Variants in UBR1 observed in about 807,000 individuals in gnomAD.
UBR1 encodes the protein E3 ubiquitin-protein ligase UBR1.
In UBR1, 102 loss-of-function variants were observed where a neutral mutation model predicts 242.1. That is an observed-to-expected ratio of 0.42 (90% CI 0.36 to 0.50). The LOEUF (loss-of-function observed/expected upper bound fraction) is 0.50. UBR1 is among the 20% of genes least tolerant of loss of function. The pLI, the probability that UBR1 is intolerant of heterozygous loss-of-function variation, is 0.01. For missense variants in UBR1, 1,772 were observed against 2,101.8 expected, an observed-to-expected ratio of 0.84 and a Z score of 3.07; for synonymous variants, 675 against 684.8, an observed-to-expected ratio of 0.99 and a Z score of 0.22.
intron 34 of UBR1, 29 bp downstream of exon 34, chr15:42,990,001 A>C: frequency 6.6e-7 from 1 of 1,519,212 alleles, no homozygotes; most frequent in Non-Finnish European, 9.1e-7. Flanking sequence ...AATCATTTAC[A>C]AAGTTCTCTT....
intron 42 of UBR1, 128 bp downstream of exon 42, chr15:42,963,807 A>T: frequency 1.4e-6 from 1 of 703,906 alleles, no homozygotes; most frequent in Non-Finnish European, 2.5e-6. Flanking sequence ...TGTGTAACTT[A>T]GGAATCTCCT....
chr15:43,053,086 C>T (rs1158426888), intron 12 of UBR1, among the ~76,000 whole-genome samples: 1 of 152,172 alleles, frequency 6.6e-6, no homozygotes, highest in Admixed American at 6.5e-5. Flanking sequence ...GAGTGAATTA[C>T]ACAGTACCTG....
In UBR1 at chr15:43,032,928, C is replaced by T. The variant is rs1463431812; in HGVS notation, c.2191-297G>A. 7.2e-5 allele frequency among the ~76,000 whole-genome samples: 11 copies of T among 152,162 alleles called. No individual in the cohort carries two copies. In the East Asian group the frequency reaches 2.1e-3, roughly 29 times the overall value. ...TCAACTCTTCTTCTATTATTTGCTG[C>T]CTTCTTACCTGCGTTAGTGAGAAAG... On this transcript the variant is annotated intron_variant, in intron 19 of 46. Coordinates refer to ENST00000290650, the MANE Select transcript of UBR1 (RefSeq NM_174916.3).
rs2033365675 is a variant in UBR1 at position 43,038,347 on chromosome 15, G to A, written c.1850-115C>T. ...GATTTGGCTGGGCGCGGTGGCTCAT[G>A]CCTGTAATCTCAGCACTTTGGGAGG... On this transcript the variant is annotated intron_variant, in intron 15 of 46. Coordinates refer to ENST00000290650, the MANE Select transcript of UBR1 (RefSeq NM_174916.3). 7 of 977,834 alleles carry A rather than the reference G, an allele frequency of 7.2e-6. No individual in the cohort carries two copies. The South Asian group carries it at 7.9e-5, about 11-fold the overall frequency. The allele number at this position is 977,834 out of a possible 1,614,324, so 60.6% of individuals were successfully genotyped here.
At chr15:43,058,503 T>G (rs527915486) in intron 9 of UBR1, 74 bp from the exon 10 acceptor site, 7 of 945,448 alleles carry the variant, frequency 7.4e-6, no homozygotes, top group South Asian at 7.1e-5. Flanking sequence ...TTCTGGCTAT[T>G]AGAGTGGCAG....
Position 42,945,040 on chromosome 15 carries a change from C to T in UBR1, c.*289G>A. ...CTACAACTGTTTGACGTGACTTCAT[C>T]TACCAAGTGGATGAAATAAAATGAA... On this transcript the variant is annotated 3_prime_UTR_variant, in exon 47 of 47. Coordinates refer to ENST00000290650, the MANE Select transcript of UBR1 (RefSeq NM_174916.3). 1 of 402,576 alleles carries T rather than the reference C, an allele frequency of 2.5e-6. No individual in the cohort carries two copies. The highest frequency in any genetic ancestry group is 4.7e-6 in the Non-Finnish European group (1 of 213,664). 24.9% of individuals were successfully genotyped at this position (402,576 alleles called of 1,614,324 possible). A position where few individuals can be genotyped will look rare whatever the true frequency, so the allele number is the denominator to read the frequency against.
At chr15:42,964,732 AT>A (rs1344671425) in intron 41 of UBR1, among the ~76,000 whole-genome samples, 1 of 152,064 alleles carries the variant, frequency 6.6e-6, no homozygotes, top group African/African-American at 2.4e-5. Flanking sequence ...TCTCTTTGCA[AT>A]TCTGTGACTA....
At chr15:43,101,943 G>A (rs577237573) in intron 1 of UBR1, among the ~76,000 whole-genome samples, 2 of 141,730 alleles carry the variant, frequency 1.4e-5, no homozygotes, top group Non-Finnish European at 3.0e-5. Flanking sequence ...CTCCAGCCTT[G>A]GCGACAGAGA....
chr15:42,979,978 T>G (rs577517269), intron 37 of UBR1, among the ~76,000 whole-genome samples: 7 of 152,230 alleles, frequency 4.6e-5, no homozygotes, highest in Non-Finnish European at 1.0e-4. Context: ...TAACTAGCTA[T>G]GTGACTTCAA....
chr15:42,986,107 T>C (rs1224703995), intron 35 of UBR1, among the ~76,000 whole-genome samples: 1 of 152,090 alleles, frequency 6.6e-6, no homozygotes, highest in African/African-American at 2.4e-5. Context: ...TTTTCACTGA[T>C]CCTTAGCAGC....
In UBR1 at chr15:42,984,915, G is replaced by A. The variant is rs866017422; in HGVS notation, c.4025C>T (p.Pro1342Leu). The change falls in exon 36 of 47, where the codon CCT becomes CTT. Residue 1342 changes from proline (P) to leucine (L), a missense_variant. This residue lies in a region of UBR1 where 965 missense variants were observed against 1,079.7 expected (regional missense o/e 0.89). Transcript: ENST00000290650. ...CCTATTTTGAAGTGCTCCAAACAGA[G>A]GTTTTCCTTCATCTCCCAATAGATT... ...IENLLGDEGKPLFGALQNRQH... is the reference protein window; with the variant it reads ...IENLLGDEGKLLFGALQNRQH... 1.2e-6 allele frequency: 2 copies of A among 1,610,988 alleles called. No homozygotes were observed. Among genetic ancestry groups the A allele is most frequent in the East Asian group, 2.2e-5 (1 of 44,768 alleles).
chr15:42,951,321 CA>C (rs1344953259), intron 45 of UBR1, among the ~76,000 whole-genome samples: 6 of 152,140 alleles, frequency 3.9e-5, no homozygotes, highest in Non-Finnish European at 8.8e-5. Context: ...CTCCCAGGTT[CA>C]AGCGAATTCT....
intron 30 of UBR1, among the ~76,000 whole-genome samples, chr15:43,004,957 C>T (rs1240888889): frequency 2.6e-5 from 4 of 151,712 alleles, no homozygotes; most frequent in Non-Finnish European, 4.4e-5. Flanking sequence ...CGGCACCCAT[C>T]GTCTGAGATG....
intron 31 of UBR1, among the ~76,000 whole-genome samples, chr15:43,003,052 T>C (rs1313070577): frequency 6.6e-6 from 1 of 152,196 alleles, no homozygotes. Context: ...AAAAATTATA[T>C]ATTGTAATCT....
At chr15:42,994,545 C>G (rs1260838818) in intron 33 of UBR1, among the ~76,000 whole-genome samples, 5 of 152,166 alleles carry the variant, frequency 3.3e-5, no homozygotes, top group Admixed American at 6.5e-5. Flanking sequence ...AAACTATCTC[C>G]CACTATCACT....
intron 35 of UBR1, among the ~76,000 whole-genome samples, chr15:42,987,045 G>A (rs1445518178): frequency 6.6e-6 from 1 of 152,228 alleles, no homozygotes; most frequent in Non-Finnish European, 1.5e-5. Context: ...CCTGAGCGGC[G>A]CTTCCTCAGC....
chr15:43,041,631 G>A (rs996222519), intron 15 of UBR1, among the ~76,000 whole-genome samples: 6 of 152,050 alleles, frequency 3.9e-5, no homozygotes, highest in African/African-American at 1.4e-4. Flanking sequence ...ATTTGACAAT[G>A]AGTTTTTTGG....
At chr15:43,062,184 T>C (rs1481357336) in intron 6 of UBR1, among the ~76,000 whole-genome samples, 2 of 152,156 alleles carry the variant, frequency 1.3e-5, no homozygotes, top group East Asian at 1.9e-4. Context: ...CGGACTTTTG[T>C]GTATCCATGT....
At chr15:42,990,230 G>C (rs2141276857) in intron 33 of UBR1, 110 bp from the exon 34 acceptor site, 1 of 799,084 alleles carries the variant, frequency 1.3e-6, no homozygotes, top group Admixed American at 2.2e-5. Flanking sequence ...TGTCACCCAT[G>C]CTGGAGCACA....
Sources: gnomAD v4.1 joint callset for allele counts (sites outside exome capture counted in the v4.1 genomes callset) on GRCh38, gnomAD v4.1.1 for gene constraint, gnomAD v4.1.1 regional missense constraint, MANE v1.5 for transcripts, NCBI Gene and HGNC (gene_info 2026-07-23, HGNC 2026-07-21) for gene names.